Variants in MTHFD1L observed in about 807,000 individuals in gnomAD.
MTHFD1L encodes methylenetetrahydrofolate dehydrogenase (NADP+ dependent) 1 like.
A neutral mutation model predicts 119.5 loss-of-function variants in MTHFD1L; 81 were observed. That is an observed-to-expected ratio of 0.68 (90% confidence interval 0.57 to 0.82). MTHFD1L has a LOEUF of 0.82. Ranked by LOEUF, MTHFD1L falls within the 40% of genes least tolerant of loss-of-function variation. MTHFD1L has a pLI of 0.00. For missense variants in MTHFD1L, 1,125 were observed against 1,253.4 expected (o/e 0.90, Z 1.55); for synonymous variants, 430 against 475.2 (o/e 0.90, Z 1.24).
At chr6:150,955,167 C>T (rs1795434592) in intron 16 of MTHFD1L, among the ~76,000 whole-genome samples, 1 of 152,138 alleles carries the variant, frequency 6.6e-6, no homozygotes, top group Non-Finnish European at 1.5e-5. Context: ...ACTCCTTATC[C>T]ATTAAATAAT....
intron 20 of MTHFD1L, among the ~76,000 whole-genome samples, chr6:150,978,358 T>C (rs1776945243): frequency 6.6e-6 from 1 of 152,212 alleles, no homozygotes; most frequent in Non-Finnish European, 1.5e-5. Context: ...TTTATTATCC[T>C]TATCCAGAGG....
chr6:151,023,639 A>G (rs1458116823), intron 24 of MTHFD1L, among the ~76,000 whole-genome samples: 3 of 152,208 alleles, frequency 2.0e-5, no homozygotes, highest in East Asian at 1.9e-4. Context: ...ATAGCACCCA[A>G]TGAGAAAAAA....
intron 11 of MTHFD1L, among the ~76,000 whole-genome samples, chr6:150,928,696 C>T (rs539740962): frequency 6.6e-6 from 1 of 151,810 alleles, no homozygotes; most frequent in Non-Finnish European, 1.5e-5. Flanking sequence ...CATGCACCCC[C>T]ACGCCTGGCT....
intron 20 of MTHFD1L, among the ~76,000 whole-genome samples, chr6:150,981,603 T>C (rs1477637326): frequency 6.6e-6 from 1 of 152,210 alleles, no homozygotes; most frequent in Non-Finnish European, 1.5e-5. Flanking sequence ...ATAAATAGTT[T>C]GGGTCACAGA....
chr6:151,089,905 G>T (rs1010188322), intron 26 of MTHFD1L, among the ~76,000 whole-genome samples: 1 of 152,160 alleles, frequency 6.6e-6, no homozygotes, highest in African/African-American at 2.4e-5. Context: ...TTAACATATA[G>T]CAAGTCCCCA....
chr6:150,954,860 C>G (rs768933950), intron 16 of MTHFD1L, among the ~76,000 whole-genome samples: 1 of 152,076 alleles, frequency 6.6e-6, no homozygotes, highest in East Asian at 1.9e-4. Flanking sequence ...ACCCTCCCGC[C>G]TCAGCCTCCC....
intron 1 of MTHFD1L, 174 bp downstream of exon 1, chr6:150,866,223 G>T: frequency 2.2e-6 from 3 of 1,379,094 alleles, no homozygotes; most frequent in Non-Finnish European, 2.8e-6. Context: ...CACTGCGGCC[G>T]GGAGCGCTGG....
intron 9 of MTHFD1L, 45 bp from the exon 10 acceptor site, chr6:150,922,160 A>AT (rs1789064724): frequency 7.1e-7 from 1 of 1,415,984 alleles, no homozygotes; most frequent in African/African-American, 1.4e-5. Flanking sequence ...GTGCCCTGTC[A>AT]GCTTTTACCA....
intron 1 of MTHFD1L, among the ~76,000 whole-genome samples, chr6:150,868,093 C>G (rs1778742371): frequency 6.6e-6 from 1 of 152,068 alleles, no homozygotes; most frequent in Admixed American, 6.6e-5. Context: ...ACCCACCGCG[C>G]CTGGGCTATT....
chr6:151,067,238 G>A (rs1013899485), intron 26 of MTHFD1L, among the ~76,000 whole-genome samples: 2 of 151,402 alleles, frequency 1.3e-5, no homozygotes, highest in South Asian at 2.1e-4. Context: ...ATGAGCCACC[G>A]CTCCCGGCCA....
chr6:151,060,513 C>T (rs992989969), intron 26 of MTHFD1L, among the ~76,000 whole-genome samples: 6 of 152,188 alleles, frequency 3.9e-5, no homozygotes, highest in African/African-American at 7.2e-5. Flanking sequence ...GAGGGAGCCC[C>T]CTGCTCCAGG....
Position 150,949,226 on chromosome 6 carries a change from C to T in MTHFD1L, c.1726+93C>T, listed in dbSNP as rs544775763. 1.5e-5 allele frequency: 15 copies of T among 973,672 alleles called. No individual in the cohort carries two copies. The East Asian group carries it at 3.8e-4, about 24-fold the overall frequency. 60.3% of individuals were successfully genotyped at this position (973,672 alleles called of 1,614,324 possible). A position where few individuals can be genotyped will look rare whatever the true frequency, so the allele number is the denominator to read the frequency against. ...AAATTCAGAAACTTACAGTTTGATC[C>T]TGTCCAGTGATCTTCCCAGCCTGTG... On this transcript the variant is annotated intron_variant, in intron 16 of 27. Coordinates refer to ENST00000367321, the MANE Select transcript of MTHFD1L (RefSeq NM_015440.5).
intron 8 of MTHFD1L, among the ~76,000 whole-genome samples, chr6:150,908,181 T>C (rs977157864): frequency 6.6e-6 from 1 of 151,576 alleles, no homozygotes; most frequent in African/African-American, 2.4e-5. Context: ...GTGCTAGGAT[T>C]ACGGGCATGA....
chr6:151,098,431 A>G (rs113164573), intron 27 of MTHFD1L, among the ~76,000 whole-genome samples: 2,110 of 152,256 alleles, frequency 0.014, 62 homozygotes, highest in African/African-American at 0.047. Flanking sequence ...GTTCCGAGAA[A>G]AGGGGCGCCA....
intron 26 of MTHFD1L, among the ~76,000 whole-genome samples, chr6:151,045,034 G>C (rs1385808295): frequency 2.6e-5 from 4 of 152,114 alleles, no homozygotes; most frequent in Non-Finnish European, 4.4e-5. Flanking sequence ...ATCTGATTCA[G>C]GTCAGTGATG....
Position 150,914,403 on chromosome 6 carries a change from G to A in MTHFD1L, c.893-4174G>A, listed in dbSNP as rs115648647. On this transcript the variant is annotated intron_variant, in intron 8 of 27. Transcript: ENST00000367321. ...TGCAGGTAGTAAACCTTAGCCTACT[G>A]TACGTAAAAATCAGAAGGCCAAGGC... Among the ~76,000 whole-genome samples, 244 of 152,320 alleles carry A rather than the reference G, an allele frequency of 1.6e-3. 1 individual carries two copies. Among genetic ancestry groups the A allele is most frequent in the African/African-American group, 5.5e-3 (230 of 41,578 alleles).
chr6:151,018,114 G>C (rs1379114853), intron 24 of MTHFD1L, among the ~76,000 whole-genome samples: 1 of 152,048 alleles, frequency 6.6e-6, no homozygotes, highest in East Asian at 1.9e-4. Context: ...GAATTTTGTG[G>C]TTCCGATTCT....
Position 150,936,890 on chromosome 6 carries a change from C to T in MTHFD1L, c.1343C>T (p.Ser448Phe), listed in dbSNP as rs1792163034. The change falls in exon 12 of 28, where the codon TCC becomes TTC. Residue 448 changes from serine to phenylalanine, a missense_variant. By Grantham distance (155) the Ser-to-Phe change is radical (BLOSUM62 -2). Around this residue, in one of 3 missense-constraint regions of MTHFD1L, gnomAD observed 1,058 missense variants for 1,151.2 expected, o/e 0.92. Transcript: ENST00000367321. ...CTGACCGCACACCTGAATGTCAACTCCTTTGCCTGCTTGAGGCAGCCTTCC... is the reference window on the plus strand; with the variant it reads ...CTGACCGCACACCTGAATGTCAACTTCTTTGCCTGCTTGAGGCAGCCTTCC... ...QALTAHLNVN[S>F]FACLRQPSQG... is the part of the protein sequence containing the mutation. The T allele has an allele frequency of 6.2e-7, 1 of 1,614,176 alleles. No homozygotes were observed. The highest frequency in any genetic ancestry group is 8.5e-7 in the Non-Finnish European group (1 of 1,180,028).
chr6:150,866,690 T>C (rs1362410344), intron 1 of MTHFD1L: 2 of 1,155,006 alleles, frequency 1.7e-6, no homozygotes, highest in Non-Finnish European at 2.1e-6. Context: ...GTCTCAGCGC[T>C]GGTTTCCAGC....
Sources: gnomAD v4.1 joint callset for allele counts (sites outside exome capture counted in the v4.1 genomes callset) on GRCh38, gnomAD v4.1.1 for gene constraint, gnomAD v4.1.1 regional missense constraint, MANE v1.5 for transcripts, NCBI Gene and HGNC (gene_info 2026-07-23, HGNC 2026-07-21) for gene names.